STK39: variants seen among roughly 807,000 people sequenced by gnomAD.
STK39 encodes the protein serine/threonine kinase 39.
STK39 carries 20 observed loss-of-function variants against 77.8 expected under a neutral mutation model. The ratio of observed to expected loss-of-function variants is 0.26; its 90% CI spans 0.18 to 0.37. The LOEUF (loss-of-function observed/expected upper bound fraction) is 0.37, where lower values mean the gene tolerates loss of function less well. STK39 is among the 10% of genes least tolerant of loss of function. The pLI is 1.00. For synonymous variants in STK39, 246 were observed against 234.1 expected, an observed-to-expected ratio of 1.05 and a Z score of -0.47; for missense variants, 479 against 656.5, an observed-to-expected ratio of 0.73 and a Z score of 2.95.
intron 14 of STK39, among the ~76,000 whole-genome samples, chr2:168,049,402 C>T (rs1685336004): frequency 6.6e-6 from 1 of 152,172 alleles, no homozygotes; most frequent in Admixed American, 6.5e-5. Context: ...AATTCCCTAG[C>T]ACAAAATCCT....
intron 16 of STK39, among the ~76,000 whole-genome samples, chr2:167,986,520 T>C (rs1367878556): frequency 6.6e-6 from 1 of 152,214 alleles, no homozygotes; most frequent in Non-Finnish European, 1.5e-5. Context: ...CTTTCAGATT[T>C]CCATTCCTTC....
At chr2:168,157,870 A>G (rs1348216474) in intron 5 of STK39, among the ~76,000 whole-genome samples, 4 of 152,254 alleles carry the variant, frequency 2.6e-5, no homozygotes, top group Non-Finnish European at 5.9e-5. Context: ...AAAGTTCTTT[A>G]TAAATCAAAG....
chr2:168,232,954 G>A (rs1690498382), intron 1 of STK39, among the ~76,000 whole-genome samples: 1 of 151,662 alleles, frequency 6.6e-6, no homozygotes, highest in Non-Finnish European at 1.5e-5. Context: ...CCTTCAGAAA[G>A]TCTTGCAGCA....
At position 168,187,445 on chromosome 2, in the gene STK39, G is replaced by C. The variant is rs139784786; in HGVS notation, c.209-5355C>G. Among the ~76,000 whole-genome samples the C allele has an allele frequency of 5.2e-3, 798 of 152,292 alleles. 6 individuals carry two copies. Among genetic ancestry groups the C allele is most frequent in the African/African-American group, 0.018 (735 of 41,564 alleles). ...GCCACATACTAACTGCTTATGCTTG[G>C]ATGACTTGCCTAACTTCTTCATGCC... On this transcript the variant is annotated intron_variant, in intron 1 of 17. Transcript: ENST00000355999.
At chr2:167,958,882 A>G (rs1179415945) in intron 17 of STK39, among the ~76,000 whole-genome samples, 1 of 152,214 alleles carries the variant, frequency 6.6e-6, no homozygotes, top group Non-Finnish European at 1.5e-5. Flanking sequence ...TCACTGACTT[A>G]TGCAGATCTT....
intron 10 of STK39, among the ~76,000 whole-genome samples, chr2:168,098,160 CATA>C (rs1686723818): frequency 6.6e-6 from 1 of 152,208 alleles, no homozygotes; most frequent in African/African-American, 2.4e-5. Context: ...TAGTGCCTAG[CATA>C]TTTTCGGCAC....
intron 5 of STK39, among the ~76,000 whole-genome samples, chr2:168,151,456 G>A (rs1019701104): frequency 6.6e-6 from 1 of 152,098 alleles, no homozygotes; most frequent in Non-Finnish European, 1.5e-5. Flanking sequence ...AAAAATTCAG[G>A]CCAGGGACGG....
At chr2:168,226,710 A>C in intron 1 of STK39, among the ~76,000 whole-genome samples, 1 of 150,342 alleles carries the variant, frequency 6.7e-6, no homozygotes, top group Non-Finnish European at 1.5e-5. Flanking sequence ...ATGCCTTCTC[A>C]CTATAACTCC....
At chr2:168,213,405 T>C (rs1487726454) in intron 1 of STK39, among the ~76,000 whole-genome samples, 1 of 152,210 alleles carries the variant, frequency 6.6e-6, no homozygotes, top group African/African-American at 2.4e-5. Context: ...CAGTATACTA[T>C]AAACTTTCTA....
chr2:168,109,482 C>G (rs932866221), intron 10 of STK39, among the ~76,000 whole-genome samples: 1 of 152,176 alleles, frequency 6.6e-6, no homozygotes, highest in African/African-American at 2.4e-5. Flanking sequence ...CTCCTCTGGG[C>G]TATTTTCTTG....
At chr2:168,220,102 T>C (rs1236793271) in intron 1 of STK39, among the ~76,000 whole-genome samples, 1 of 152,132 alleles carries the variant, frequency 6.6e-6, no homozygotes, top group African/African-American at 2.4e-5. Flanking sequence ...CATTTATAAA[T>C]AGAGATAAAG....
intron 2 of STK39, 59 bp downstream of exon 2, chr2:168,181,919 C>T: frequency 7.0e-7 from 1 of 1,434,190 alleles, no homozygotes. Context: ...CCCAACCATC[C>T]CCATATACCC....
At chr2:168,133,027 C>T (rs772914302) in intron 8 of STK39, among the ~76,000 whole-genome samples, 1 of 152,076 alleles carries the variant, frequency 6.6e-6, no homozygotes. Context: ...AAATGAGACT[C>T]GTGCTAGCAA....
At chr2:168,126,849 C>A (rs959878466) in intron 10 of STK39, among the ~76,000 whole-genome samples, 1 of 152,102 alleles carries the variant, frequency 6.6e-6, no homozygotes, top group Non-Finnish European at 1.5e-5. Context: ...TATTATGAAA[C>A]TAGAGAGCCA....
chr2:167,962,349 G>C (rs746209521), intron 17 of STK39, among the ~76,000 whole-genome samples: 2 of 152,160 alleles, frequency 1.3e-5, no homozygotes, highest in Non-Finnish European at 2.9e-5. Flanking sequence ...TGCAAGATCA[G>C]GCCAAAAACC....
At chr2:167,966,729 T>C (rs1303545105) in intron 16 of STK39, among the ~76,000 whole-genome samples, 1 of 152,192 alleles carries the variant, frequency 6.6e-6, no homozygotes, top group African/African-American at 2.4e-5. Flanking sequence ...CACTCCCCAG[T>C]TGTGAATCTC....
intron 10 of STK39, among the ~76,000 whole-genome samples, chr2:168,118,595 A>C: frequency 1.1e-5 from 1 of 89,204 alleles, no homozygotes. Flanking sequence ...CCCAGAACAT[A>C]TGCTTTCAAA....
At chr2:168,033,577 T>C (rs752373571) in intron 14 of STK39, among the ~76,000 whole-genome samples, 8 of 152,182 alleles carry the variant, frequency 5.3e-5, no homozygotes, top group Non-Finnish European at 8.8e-5. Context: ...ACCTGTGCAC[T>C]GAGTTTCAGG....
chr2:167,981,041 G>A (rs904420060), intron 16 of STK39, among the ~76,000 whole-genome samples: 3 of 148,130 alleles, frequency 2.0e-5, no homozygotes, highest in African/African-American at 7.5e-5. Flanking sequence ...ACTACGTTAG[G>A]CCACAGAGTA....
Sources: gnomAD v4.1 joint callset for allele counts (sites outside exome capture counted in the v4.1 genomes callset) on GRCh38, gnomAD v4.1.1 for gene constraint, MANE v1.5 for transcripts, NCBI Gene and HGNC (gene_info 2026-07-23, HGNC 2026-07-21) for gene names.